Variants in PARVB observed in about 807,000 individuals in gnomAD.
PARVB encodes beta-parvin.
PARVB carries 46 observed loss-of-function variants against 47.0 expected under a neutral mutation model. That is an observed-to-expected ratio of 0.98 (90% CI 0.77 to 1.25). PARVB has a LOEUF of 1.25. Among genes scored for constraint, PARVB ranks in the 50% most tolerant of loss-of-function variants. PARVB has a pLI of 0.00. For synonymous variants in PARVB, 196 were observed against 196.3 expected, an observed-to-expected ratio of 1.00 and a Z score of 0.01; for missense variants, 473 against 471.6, an observed-to-expected ratio of 1.00 and a Z score of -0.03.
At chr22:44,140,734 A>T (rs1156721701) in intron 8 of PARVB, 2 of 379,138 alleles carry the variant, frequency 5.3e-6, no homozygotes, top group African/African-American at 4.2e-5. Context: ...GTGAGATCAC[A>T]GGTGAGTGCC....
At chr22:44,021,233 C>T (rs1411146499), upstream of PARVB, among the ~76,000 whole-genome samples, 1 of 152,218 alleles carries the variant, frequency 6.6e-6, no homozygotes, top group East Asian at 1.9e-4. Context: ...AGCATTTCTT[C>T]CTCCTGGGCG....
intron 7 of PARVB, chr22:44,138,934 T>C (rs948216798): frequency 1.1e-4 from 16 of 152,200 alleles, no homozygotes; most frequent in Admixed American, 7.2e-4. Flanking sequence ...GCCAAAGGAC[T>C]TGAGCCTAGA....
At chr22:44,008,012 G>A (rs570910242) in intron 2 of PARVB, among the ~76,000 whole-genome samples, 1 of 152,212 alleles carries the variant, frequency 6.6e-6, no homozygotes, top group African/African-American at 2.4e-5. Context: ...ATGTATATAC[G>A]CATGCATACA....
In PARVB at chr22:44,091,007, G is replaced by A. The variant is rs543615660; in HGVS notation, c.113-2921G>A. Among the ~76,000 whole-genome samples the A allele has an allele frequency of 2.0e-5, 3 of 152,356 alleles. No homozygotes were observed. The East Asian group carries it at 5.8e-4, about 29-fold the overall frequency. ...AAATTTGGTCCCTGTTTTCTCAGCT[G>A]ATCTGGGTGACCTGTGGGGGTTCTT... On this transcript the variant is annotated intron_variant, in intron 1 of 12. Coordinates refer to ENST00000338758, the MANE Select transcript of PARVB (RefSeq NM_013327.5).
At chr22:44,055,734 G>A (rs373710255) in intron 1 of PARVB, among the ~76,000 whole-genome samples, 6 of 152,004 alleles carry the variant, frequency 3.9e-5, no homozygotes, top group East Asian at 3.9e-4. Context: ...ATGTGGTTAC[G>A]AGACTGAGAA....
intron 2 of PARVB, among the ~76,000 whole-genome samples, chr22:44,095,914 T>G (rs2147052607): frequency 6.6e-6 from 1 of 152,190 alleles, no homozygotes; most frequent in Non-Finnish European, 1.5e-5. Context: ...CGGGGCTTTC[T>G]CTCCCTCCGC....
At chr22:44,079,693 C>A (rs11703589) in intron 1 of PARVB, among the ~76,000 whole-genome samples, 1 of 152,070 alleles carries the variant, frequency 6.6e-6, no homozygotes, top group East Asian at 1.9e-4. Flanking sequence ...TTTGGGAGGC[C>A]GAGGTGGGTG....
chr22:44,056,993 GGAGCTGGGGGCTGAGCTGGGGGT>G, intron 1 of PARVB, among the ~76,000 whole-genome samples: 3 of 76,588 alleles, frequency 3.9e-5, no homozygotes, highest in African/African-American at 1.0e-4. Flanking sequence ...AGCTGGGGGT[GGAGCTGGGGGCTGAGCTGGGGGT>G]GGAGCTGGGG....
chr22:44,119,672 T>C (rs998176213), intron 4 of PARVB: 14 of 452,238 alleles, frequency 3.1e-5, no homozygotes, highest in African/African-American at 2.6e-4. Flanking sequence ...TCATCAGATG[T>C]TGGATGAGTC....
chr22:44,080,038 G>A (rs1369442509), intron 1 of PARVB, among the ~76,000 whole-genome samples: 1 of 152,258 alleles, frequency 6.6e-6, no homozygotes, highest in African/African-American at 2.4e-5. Flanking sequence ...TTTATCCACA[G>A]TGTTGGTCAG....
At chr22:44,064,285 T>C (rs2051477019) in intron 1 of PARVB, among the ~76,000 whole-genome samples, 1 of 152,246 alleles carries the variant, frequency 6.6e-6, no homozygotes, top group African/African-American at 2.4e-5. Context: ...TTGGATCCCT[T>C]TTCCTTTCCA....
At chr22:44,075,113 A>G (rs1006002065) in intron 1 of PARVB, among the ~76,000 whole-genome samples, 1 of 152,086 alleles carries the variant, frequency 6.6e-6, no homozygotes, top group Non-Finnish European at 1.5e-5. Flanking sequence ...GGGTGGAGGA[A>G]TCGTCCCCAG....
chr22:44,013,044 G>A (rs1004759410), intron 2 of PARVB, among the ~76,000 whole-genome samples: 2 of 151,824 alleles, frequency 1.3e-5, no homozygotes, highest in Non-Finnish European at 2.9e-5. Flanking sequence ...CTACAGGCAC[G>A]CACCACCACG....
At chr22:44,149,575 A>T (rs2053757882) in intron 9 of PARVB, 1 of 152,306 alleles carries the variant, frequency 6.6e-6, no homozygotes, top group Non-Finnish European at 1.5e-5. Context: ...CTCACCTTGC[A>T]CTGGCCCACC....
chr22:44,132,846 C>G (rs1390183435), intron 5 of PARVB, 48 bp from the exon 6 acceptor site: 1 of 1,286,432 alleles, frequency 7.8e-7, no homozygotes, highest in Non-Finnish European at 1.1e-6. Context: ...GGCTCAGGTT[C>G]CTGTGTAACC....
At chr22:44,017,189 A>G (rs2146862281) in intron 2 of PARVB, among the ~76,000 whole-genome samples, 1 of 152,210 alleles carries the variant, frequency 6.6e-6, no homozygotes, top group Non-Finnish European at 1.5e-5. Context: ...TCCCCATTTG[A>G]GATGTGAGAG....
intron 2 of PARVB, among the ~76,000 whole-genome samples, chr22:44,099,765 C>T (rs2052397408): frequency 6.6e-6 from 1 of 152,168 alleles, no homozygotes; most frequent in Non-Finnish European, 1.5e-5. Flanking sequence ...ATGCTGCTCT[C>T]TCCTTATTTC....
At chr22:44,050,135 G>C (rs991775561) in intron 1 of PARVB, among the ~76,000 whole-genome samples, 1 of 152,160 alleles carries the variant, frequency 6.6e-6, no homozygotes, top group Non-Finnish European at 1.5e-5. Context: ...GAGTCTCGTT[G>C]GCGGCTCTCC....
chr22:44,133,154 C>T, intron 6 of PARVB, 145 bp downstream of exon 6: 3 of 557,084 alleles, frequency 5.4e-6, no homozygotes, highest in Non-Finnish European at 6.3e-6. Context: ...GTGTGTCTCA[C>T]CCTGGCTCCG....
Sources: allele counts gnomAD v4.1 joint callset (sites outside exome capture counted in the v4.1 genomes callset), GRCh38; gene constraint gnomAD v4.1.1; transcripts MANE v1.5; gene names NCBI Gene and HGNC (gene_info 2026-07-23, HGNC 2026-07-21).